Variants in SYNPR observed in about 807,000 individuals in gnomAD.
The protein encoded by SYNPR is synaptoporin.
SYNPR carries 23 observed loss-of-function variants against 32.9 expected under a neutral mutation model. That is an observed-to-expected ratio of 0.70 (90% confidence interval 0.50 to 0.99). The LOEUF (loss-of-function observed/expected upper bound fraction) is 0.99. Ranked by LOEUF, SYNPR falls within the 50% of genes least tolerant of loss-of-function variation. The pLI is 0.00. For synonymous variants in SYNPR, 146 were observed against 135.9 expected (o/e 1.07, Z -0.52); for missense variants, 318 against 349.3 (o/e 0.91, Z 0.71).
chr3:63,572,411 G>C (rs1288753516), intron 4 of SYNPR, among the ~76,000 whole-genome samples: 2 of 152,064 alleles, frequency 1.3e-5, no homozygotes, highest in Non-Finnish European at 1.5e-5. Context: ...TTGCAACAAG[G>C]ATCCAACACC....
intron 3 of SYNPR, among the ~76,000 whole-genome samples, chr3:63,482,546 T>C (rs2106700395): frequency 6.6e-6 from 1 of 152,218 alleles, no homozygotes; most frequent in East Asian, 1.9e-4. Context: ...TAAGATCTCC[T>C]GGGAACCCTA....
At chr3:63,305,280 T>C (rs565739601) in intron 2 of SYNPR, among the ~76,000 whole-genome samples, 42 of 152,158 alleles carry the variant, frequency 2.8e-4, no homozygotes, top group African/African-American at 9.9e-4. Flanking sequence ...TGCAATGTCA[T>C]GAGATACGCT....
At chr3:63,424,963 A>T (rs1023750278) in intron 2 of SYNPR, among the ~76,000 whole-genome samples, 1 of 152,334 alleles carries the variant, frequency 6.6e-6, no homozygotes, top group East Asian at 1.9e-4. Context: ...TTTTAGCACA[A>T]TGATCCTTCT....
chr3:63,450,621 A>T (rs548270124), intron 2 of SYNPR, among the ~76,000 whole-genome samples: 1 of 152,322 alleles, frequency 6.6e-6, no homozygotes, highest in East Asian at 1.9e-4. Flanking sequence ...GGACGTACCC[A>T]AACATCTTTG....
intron 2 of SYNPR, among the ~76,000 whole-genome samples, chr3:63,448,888 A>G: frequency 6.6e-6 from 1 of 152,284 alleles, no homozygotes; most frequent in East Asian, 1.9e-4. Flanking sequence ...CATTTGCAGG[A>G]AATGTGTGCT....
At chr3:63,511,950 G>A (rs1391723558) in intron 3 of SYNPR, among the ~76,000 whole-genome samples, 8 of 152,084 alleles carry the variant, frequency 5.3e-5, no homozygotes, top group Non-Finnish European at 1.2e-4. Flanking sequence ...CAAAAATGAA[G>A]TTACCCCATA....
At chr3:63,344,026 G>C (rs1214160941) in intron 2 of SYNPR, among the ~76,000 whole-genome samples, 1 of 152,194 alleles carries the variant, frequency 6.6e-6, no homozygotes, top group African/African-American at 2.4e-5. Flanking sequence ...TCTCAGCCTC[G>C]CTCATATGCT....
intron 2 of SYNPR, among the ~76,000 whole-genome samples, chr3:63,364,099 A>G (rs1326608744): frequency 6.6e-6 from 1 of 152,208 alleles, no homozygotes; most frequent in Non-Finnish European, 1.5e-5. Flanking sequence ...TCCTACACCA[A>G]ACTCATGTTT....
At position 63,286,882 on chromosome 3, in the gene SYNPR, G is replaced by C. The variant is rs530466636; in HGVS notation, c.84+8140G>C. 1.5e-4 allele frequency among the ~76,000 whole-genome samples: 23 copies of C among 152,270 alleles called. No homozygotes were observed. The South Asian group carries it at 3.1e-3, about 21-fold the overall frequency. On this transcript the variant is annotated intron_variant, in intron 2 of 5. Coordinates refer to ENST00000478300, the MANE Select transcript of SYNPR (RefSeq NM_001130003.2). ...TGTTAACTATCCTTCTAAAGTAAAT[G>C]ATAATTGTGACCATGATGATGGTGA...
intron 4 of SYNPR, among the ~76,000 whole-genome samples, chr3:63,572,809 G>A (rs1021437777): frequency 6.6e-6 from 1 of 152,100 alleles, no homozygotes; most frequent in Non-Finnish European, 1.5e-5. Context: ...GCTACTTTAT[G>A]CATATTCACT....
chr3:63,474,107 G>C (rs1256837677), intron 2 of SYNPR, among the ~76,000 whole-genome samples: 2 of 152,146 alleles, frequency 1.3e-5, no homozygotes, highest in African/African-American at 2.4e-5. Flanking sequence ...TGCTTCTGTG[G>C]GAAACTGGGG....
intron 2 of SYNPR, among the ~76,000 whole-genome samples, chr3:63,450,838 T>C (rs2107174896): frequency 6.6e-6 from 1 of 152,284 alleles, no homozygotes; most frequent in Middle Eastern, 3.4e-3. Flanking sequence ...ATATCCTTGA[T>C]CTTTTGATGA....
intron 2 of SYNPR, among the ~76,000 whole-genome samples, chr3:63,313,596 A>ATG (rs1217141506): frequency 6.9e-6 from 1 of 144,766 alleles, no homozygotes; most frequent in Non-Finnish European, 1.5e-5. Context: ...GCGTACATAT[A>ATG]TGTGTGTGTG....
chr3:63,484,132 A>G (rs1027643271), intron 3 of SYNPR, among the ~76,000 whole-genome samples: 84 of 152,338 alleles, frequency 5.5e-4, no homozygotes, highest in African/African-American at 2.0e-3. Context: ...GCCGAAGTGC[A>G]TATCTCCTTT....
At chr3:63,385,155 T>A (rs2088024109) in intron 2 of SYNPR, among the ~76,000 whole-genome samples, 1 of 152,184 alleles carries the variant, frequency 6.6e-6, no homozygotes, top group Non-Finnish European at 1.5e-5. Context: ...TAGATATCCT[T>A]CTTTAAGAAG....
intron 1 of SYNPR, among the ~76,000 whole-genome samples, chr3:63,249,519 A>G (rs1419107630): frequency 6.6e-6 from 1 of 152,150 alleles, no homozygotes; most frequent in African/African-American, 2.4e-5. Flanking sequence ...AAGGTATAAG[A>G]ATAATACAAT....
intron 2 of SYNPR, chr3:63,443,565 T>C (rs1700220051): frequency 1.5e-6 from 2 of 1,363,282 alleles, no homozygotes; most frequent in Non-Finnish European, 2.0e-6. Flanking sequence ...ACACTTTTCT[T>C]TCCAAGTATC....
At chr3:63,585,528 A>G (rs918679741) in intron 4 of SYNPR, among the ~76,000 whole-genome samples, 1 of 151,822 alleles carries the variant, frequency 6.6e-6, no homozygotes, top group Non-Finnish European at 1.5e-5. Flanking sequence ...TGCACTGTAT[A>G]ACACTACACA....
chr3:63,455,788 G>GTGTGT (rs1559504358), intron 2 of SYNPR, among the ~76,000 whole-genome samples: 15 of 74,616 alleles, frequency 2.0e-4, no homozygotes, highest in Admixed American at 1.6e-3. Flanking sequence ...TGTGTGTGTG[G>GTGTGT]ATCTTCAGAT....
Sources: allele counts gnomAD v4.1 joint callset (sites outside exome capture counted in the v4.1 genomes callset), GRCh38; gene constraint gnomAD v4.1.1; transcripts MANE v1.5; gene names NCBI Gene and HGNC (gene_info 2026-07-23, HGNC 2026-07-21).